The following NDEL1 variants were observed in gnomAD, a reference collection of about 807,000 sequenced individuals.
The protein encoded by NDEL1 is nuclear distribution protein nudE-like 1.
NDEL1 carries 9 observed loss-of-function variants against 45.7 expected under a neutral mutation model. That is an observed-to-expected ratio of 0.20 (90% CI 0.12 to 0.34). The LOEUF is 0.34. NDEL1 is among the 10% of genes least tolerant of loss of function. The pLI is 1.00. For synonymous variants in NDEL1, 133 were observed against 158.6 expected, an observed-to-expected ratio of 0.84 and a Z score of 1.21; for missense variants, 306 against 406.2, an observed-to-expected ratio of 0.75 and a Z score of 2.12.
chr17:8,428,857 T>G (rs1908926971), intron 1 of NDEL1, among the ~76,000 whole-genome samples: 1 of 151,450 alleles, frequency 6.6e-6, no homozygotes, highest in South Asian at 2.1e-4. Flanking sequence ...GTATTTTTAG[T>G]AGAGACGGGG....
intron 1 of NDEL1, among the ~76,000 whole-genome samples, chr17:8,443,209 A>G (rs1390680641): frequency 2.6e-5 from 4 of 152,246 alleles, no homozygotes; most frequent in African/African-American, 9.6e-5. Context: ...TGAGACGGAA[A>G]TAAGTAAGCC....
At chr17:8,468,918 C>T (rs368006663), downstream of NDEL1, among the ~76,000 whole-genome samples, 5 of 152,094 alleles carry the variant, frequency 3.3e-5, no homozygotes, top group South Asian at 8.3e-4. Flanking sequence ...GCAGGAGAAT[C>T]GCTTGAACCT....
chr17:8,442,039 A>G (rs1909768195), intron 1 of NDEL1, among the ~76,000 whole-genome samples: 1 of 152,142 alleles, frequency 6.6e-6, no homozygotes, highest in African/African-American at 2.4e-5. Flanking sequence ...CTTACTTGTC[A>G]GATGGCTCTT....
chr17:8,452,758 T>TTC (rs1910599208), intron 6 of NDEL1, among the ~76,000 whole-genome samples: 1 of 146,758 alleles, frequency 6.8e-6, no homozygotes, highest in African/African-American at 2.5e-5. Flanking sequence ...TTTTTTTTTT[T>TTC]GACAGAGTTT....
chr17:8,427,488 G>A (rs549066347), intron 1 of NDEL1, among the ~76,000 whole-genome samples: 1 of 152,238 alleles, frequency 6.6e-6, no homozygotes, highest in East Asian at 1.9e-4. Flanking sequence ...ATCATTTGAG[G>A]CCAGGAGTTC....
At chr17:8,472,498 A>G (rs1911867415), downstream of NDEL1, among the ~76,000 whole-genome samples, 1 of 152,094 alleles carries the variant, frequency 6.6e-6, no homozygotes, top group African/African-American at 2.4e-5. Context: ...GTTTCTACAA[A>G]AAAAGAAAAT....
intron 1 of NDEL1, among the ~76,000 whole-genome samples, chr17:8,436,905 C>T (rs1441437964): frequency 6.6e-6 from 1 of 152,206 alleles, no homozygotes; most frequent in East Asian, 1.9e-4. Flanking sequence ...TAGCTTGGAT[C>T]ATAATTTACA....
chr17:8,459,660 C>A (rs1466542402), intron 7 of NDEL1, among the ~76,000 whole-genome samples: 1 of 152,294 alleles, frequency 6.6e-6, no homozygotes, highest in Admixed American at 6.5e-5. Flanking sequence ...TGCCCCCCAA[C>A]ACCAACTAAC....
chr17:8,419,026 T>A (rs1475867855), intron 1 of NDEL1, among the ~76,000 whole-genome samples: 1 of 151,810 alleles, frequency 6.6e-6, no homozygotes, highest in Non-Finnish European at 1.5e-5. Flanking sequence ...TTTTTTTTAT[T>A]TTGTATAGAC....
chr17:8,438,749 C>T (rs1369950797), intron 1 of NDEL1, among the ~76,000 whole-genome samples: 2 of 151,898 alleles, frequency 1.3e-5, no homozygotes, highest in African/African-American at 2.4e-5. Flanking sequence ...GTTCCAGGCT[C>T]AACTGACATT....
rs12936312 is a variant in NDEL1 at position 8,465,229 on chromosome 17, G to A, written c.945-1701G>A. ...TGGAGCCTATTATATGAGGGCTACC[G>A]TGGCAAATAGGATATGGCCTTGGCC... On this transcript the variant is annotated intron_variant, in intron 8 of 8. Coordinates refer to ENST00000334527, the MANE Select transcript of NDEL1 (RefSeq NM_030808.5). The surrounding 1 kb of genome is among the most constrained non-coding windows in gnomAD (Gnocchi z 4.9). The A allele has an allele frequency of 0.94, 143,142 of 152,308 alleles. 67,904 individuals are homozygous for A. Among genetic ancestry groups the A allele is most frequent in the East Asian group, 1 (5,180 of 5,180 alleles). 9.4% of individuals were successfully genotyped at this position (152,308 alleles called of 1,614,324 possible).
chr17:8,455,723 T>A (rs1345627363), intron 7 of NDEL1, among the ~76,000 whole-genome samples: 1 of 152,016 alleles, frequency 6.6e-6, no homozygotes, highest in Non-Finnish European at 1.5e-5. Context: ...AAACCCGTTT[T>A]TCTGCTTAAT....
intron 1 of NDEL1, among the ~76,000 whole-genome samples, chr17:8,437,612 T>G (rs907003570): frequency 1.3e-5 from 2 of 152,204 alleles, no homozygotes; most frequent in African/African-American, 4.8e-5. Flanking sequence ...GAGTTAAAAA[T>G]TCTGTAAATG....
At chr17:8,466,794 C>T (rs917338631) in intron 8 of NDEL1, 136 bp from the exon 9 acceptor site, 1 of 811,368 alleles carries the variant, frequency 1.2e-6, no homozygotes, top group African/African-American at 1.7e-5. Context: ...AGCCAGTGCC[C>T]CTTGGGCCAT....
At chr17:8,463,843 C>A (rs978078484) in intron 8 of NDEL1, among the ~76,000 whole-genome samples, 1 of 152,252 alleles carries the variant, frequency 6.6e-6, no homozygotes, top group Non-Finnish European at 1.5e-5. Flanking sequence ...TGTGTAAGAT[C>A]TGCCTTACAT....
At chr17:8,466,686 C>T (rs1208069957) in intron 8 of NDEL1, 9 of 535,608 alleles carry the variant, frequency 1.7e-5, no homozygotes, top group East Asian at 6.6e-5. Flanking sequence ...CTGTGGCTTC[C>T]GTGGCCAGTG....
chr17:8,433,041 C>T (rs968493173), upstream of NDEL1, among the ~76,000 whole-genome samples: 11 of 151,930 alleles, frequency 7.2e-5, no homozygotes, highest in East Asian at 7.7e-4. Context: ...TGGTAGCCAC[C>T]GCTTTGTCTT....
intron 6 of NDEL1, among the ~76,000 whole-genome samples, chr17:8,454,356 T>C (rs1001309465): frequency 6.7e-6 from 1 of 150,296 alleles, no homozygotes; most frequent in Non-Finnish European, 1.5e-5. Context: ...AAATAGAAAC[T>C]AAAAAACGTG....
upstream of NDEL1, among the ~76,000 whole-genome samples, chr17:8,435,255 A>T (rs1909202158): frequency 7.1e-6 from 1 of 140,014 alleles, no homozygotes; most frequent in African/African-American, 2.6e-5. Flanking sequence ...ATGGGCAAAT[A>T]TAAAATCCCC....
Sources: gnomAD v4.1 joint callset for allele counts (sites outside exome capture counted in the v4.1 genomes callset) on GRCh38, gnomAD v4.1.1 for gene constraint, Gnocchi (gnomAD v3.1) non-coding constraint, MANE v1.5 for transcripts, NCBI Gene and HGNC (gene_info 2026-07-23, HGNC 2026-07-21) for gene names.